Variants in GPALPP1 observed in about 807,000 individuals in gnomAD.
The protein encoded by GPALPP1 is GPALPP motifs containing 1, also known as GPALPP motifs-containing protein 1.
In GPALPP1, 30 loss-of-function variants were observed where a neutral mutation model predicts 38.9. The ratio of observed to expected loss-of-function variants is 0.77; its 90% CI spans 0.58 to 1.05. The LOEUF (loss-of-function observed/expected upper bound fraction) is 1.05, where lower values mean the gene tolerates loss of function less well. Ranked by LOEUF, GPALPP1 falls within the 50% of genes least tolerant of loss-of-function variation. GPALPP1 has a pLI of 0.00. For synonymous variants in GPALPP1, 120 were observed against 139.2 expected (o/e 0.86, Z 0.97); for missense variants, 384 against 408.8 (o/e 0.94, Z 0.52).
At chr13:45,001,176 T>C (rs1873649812) in intron 1 of GPALPP1, among the ~76,000 whole-genome samples, 1 of 152,156 alleles carries the variant, frequency 6.6e-6, no homozygotes, top group Non-Finnish European at 1.5e-5. Context: ...TGAGATCTGA[T>C]AGTTTTATAA....
chr13:45,012,010 T>C (rs1874516360), intron 4 of GPALPP1, among the ~76,000 whole-genome samples: 1 of 152,098 alleles, frequency 6.6e-6, no homozygotes, highest in Admixed American at 6.5e-5. Flanking sequence ...AAAGGAAAAT[T>C]CACACATACT....
At chr13:45,000,888 A>C (rs2137961860) in intron 1 of GPALPP1, among the ~76,000 whole-genome samples, 1 of 152,310 alleles carries the variant, frequency 6.6e-6, no homozygotes, top group African/African-American at 2.4e-5. Context: ...AGCATGCCTT[A>C]GAGTTATTCT....
chr13:45,016,378 C>T (rs1292274080), intron 6 of GPALPP1, among the ~76,000 whole-genome samples: 4 of 152,016 alleles, frequency 2.6e-5, no homozygotes, highest in South Asian at 4.1e-4. Context: ...CACTCAAACC[C>T]GGGAGGCAGA....
At chr13:45,014,186 T>C (rs1367056203) in intron 4 of GPALPP1, among the ~76,000 whole-genome samples, 1 of 152,198 alleles carries the variant, frequency 6.6e-6, no homozygotes, top group Non-Finnish European at 1.5e-5. Context: ...AGTTTGTGTT[T>C]TGTTTTGTTT....
At chr13:45,003,673 A>G (rs777090369) in intron 1 of GPALPP1, among the ~76,000 whole-genome samples, 10 of 152,216 alleles carry the variant, frequency 6.6e-5, no homozygotes, top group Non-Finnish European at 7.3e-5. Context: ...ATGTAAAGTG[A>G]GAGCAAGTCA....
At chr13:45,034,963 T>G (rs1876357889), downstream of GPALPP1, 1 of 144,900 alleles carries the variant, frequency 6.9e-6, no homozygotes. Flanking sequence ...CTTTTTTTTT[T>G]TTTTTTTTTT....
rs747434405 is a variant in GPALPP1, at chr13:44,998,981, CT to C, written c.89-5320del. On this transcript the variant is annotated intron_variant, in intron 1 of 7. Transcript: ENST00000379151. ...CCGAGAATACCGAGGGACAACTGTA[CT>C]TTTGACTGTAGGTCAGTAGGCAAAA... 2.2e-4 allele frequency among the ~76,000 whole-genome samples: 34 copies of C among 152,302 alleles called. No individual in the cohort carries two copies. In the East Asian group the frequency reaches 3.3e-3, roughly 15 times the overall value.
intron 1 of GPALPP1, chr13:44,990,086 C>G (rs939756438): frequency 4.0e-6 from 2 of 497,052 alleles, no homozygotes; most frequent in Non-Finnish European, 7.1e-6. Flanking sequence ...ACGCCCAAGC[C>G]CATGCCAGTG....
Position 44,989,547 on chromosome 13 carries a change from C to A in GPALPP1, c.-108C>A. 2 of 1,510,208 alleles carry A rather than the reference C, an allele frequency of 1.3e-6. No individual in the cohort carries two copies. Among genetic ancestry groups the A allele is most frequent in the South Asian group, 2.3e-5 (2 of 86,434 alleles). The allele number at this position is 1,510,208 out of a possible 1,614,324, so 93.6% of individuals were successfully genotyped here. A position where few individuals can be genotyped will look rare whatever the true frequency, so the allele number is the denominator to read the frequency against. ...CAACCACAGGCTTTACGTCATTTCT[C>A]GGCGCCGGGAAACCTGCCATTCTTC... On this transcript the variant is annotated 5_prime_UTR_variant, in exon 1 of 8. Coordinates refer to ENST00000379151, the MANE Select transcript of GPALPP1 (RefSeq NM_018559.5).
At chr13:45,016,646 T>C (rs1055382884) in intron 6 of GPALPP1, among the ~76,000 whole-genome samples, 1 of 152,044 alleles carries the variant, frequency 6.6e-6, no homozygotes, top group Non-Finnish European at 1.5e-5. Flanking sequence ...TTTTGTTTGG[T>C]TGTTTGTTTT....
rs978844251 is a variant in GPALPP1 at position 45,028,059 on chromosome 13, ATACTC to A, written c.*59_*63del. The A allele has an allele frequency of 4.5e-5, 38 of 846,656 alleles. No individual in the cohort carries two copies. Among genetic ancestry groups the A allele is most frequent in the African/African-American group, 2.2e-4 (13 of 59,064 alleles). 52.4% of individuals were successfully genotyped at this position (846,656 alleles called of 1,614,324 possible). ...TACTGATCAATGTGAACTTTTCTAA[ATACTC>A]TATTGTCTTTAATAATTGTGCTGAA... On this transcript the variant is annotated 3_prime_UTR_variant, in exon 8 of 8. Transcript: ENST00000379151.
intron 7 of GPALPP1, among the ~76,000 whole-genome samples, chr13:45,024,029 G>C (rs945422409): frequency 2.0e-5 from 3 of 152,126 alleles, no homozygotes; most frequent in Non-Finnish European, 4.4e-5. Flanking sequence ...GAGACCCACA[G>C]TTGGCAGTTT....
At chr13:45,022,427 AAT>A (rs1374973758) in intron 7 of GPALPP1, among the ~76,000 whole-genome samples, 1 of 151,768 alleles carries the variant, frequency 6.6e-6, no homozygotes, top group Admixed American at 6.6e-5. Flanking sequence ...ATTTATCTTA[AAT>A]ATATATATAA....
At chr13:45,036,541 G>C (rs985245628) in exon 8 of GPALPP1, 3 of 152,170 alleles carry the variant, frequency 2.0e-5, no homozygotes, top group African/African-American at 7.2e-5. Context: ...TTAGATAACT[G>C]TGCTTTGGCA....
intron 6 of GPALPP1, among the ~76,000 whole-genome samples, chr13:45,019,879 ATTTTTTTTT>A (rs34893767): frequency 1.2e-5 from 1 of 85,570 alleles, no homozygotes; most frequent in African/African-American, 4.8e-5. Flanking sequence ...TAATATTTTG[ATTTTTTTTT>A]TTTTTTTTTT....
At chr13:45,003,380 A>G (rs769112117) in intron 1 of GPALPP1, among the ~76,000 whole-genome samples, 5 of 152,222 alleles carry the variant, frequency 3.3e-5, no homozygotes, top group African/African-American at 1.2e-4. Context: ...TACTATTACT[A>G]TAATATTGAA....
At chr13:44,994,455 G>T (rs144351842) in intron 1 of GPALPP1, among the ~76,000 whole-genome samples, 5,303 of 152,044 alleles carry the variant, frequency 0.035, 114 homozygotes, top group Middle Eastern at 0.051. Flanking sequence ...GGTGGTGCAT[G>T]CCTGTAATCC....
chr13:45,013,700 T>G (rs1214030991), intron 4 of GPALPP1, among the ~76,000 whole-genome samples: 1 of 152,152 alleles, frequency 6.6e-6, no homozygotes, highest in Non-Finnish European at 1.5e-5. Flanking sequence ...GTAGAAGCTG[T>G]TATAATTTCC....
Position 45,003,938 on chromosome 13 carries a change from G to GT in GPALPP1, c.89-358dup, listed in dbSNP as rs772992796. Among the ~76,000 whole-genome samples, 14 of 150,552 alleles carry GT rather than the reference G, an allele frequency of 9.3e-5. No individual in the cohort carries two copies. The East Asian group carries it at 1.2e-3, about 13-fold the overall frequency. On this transcript the variant is annotated intron_variant, in intron 1 of 7. Transcript: ENST00000379151. ...AAAAAAAAATCATGAAGCCATTGGG[G>GT]TTTTTTTTTGTTTGTTTGTTTGTTT...
Sources: allele counts gnomAD v4.1 joint callset (sites outside exome capture counted in the v4.1 genomes callset), GRCh38; gene constraint gnomAD v4.1.1; transcripts MANE v1.5; gene names NCBI Gene and HGNC (gene_info 2026-07-23, HGNC 2026-07-21).